The following SLC11A2 variants were observed in gnomAD, a reference collection of about 807,000 sequenced individuals.
The protein encoded by SLC11A2 is natural resistance-associated macrophage protein 2.
A neutral mutation model predicts 68.0 loss-of-function variants in SLC11A2; 38 were observed. That is an observed-to-expected ratio of 0.56 (90% CI 0.43 to 0.73). SLC11A2 has a LOEUF of 0.73. SLC11A2 is among the 30% of genes least tolerant of loss of function. The probability of loss-of-function intolerance (pLI) is 0.00; values close to 1 mark genes in which losing one functional copy is unlikely to be tolerated. For missense variants in SLC11A2, 517 were observed against 690.5 expected (o/e 0.75, Z 2.82); for synonymous variants, 242 against 250.6 (o/e 0.97, Z 0.32).
chr12:50,973,320 A>C, the SLC11A2 span, among the ~76,000 whole-genome samples: 4 of 152,188 alleles, frequency 2.6e-5, no homozygotes, highest in Admixed American at 2.0e-4. Context: ...AGGCAGCAAC[A>C]TTTGCTGTTC....
At chr12:50,988,529 T>C in intron 15 of SLC11A2, 94 bp from the exon 16 acceptor site, 2 of 1,574,970 alleles carry the variant, frequency 1.3e-6, no homozygotes, top group Non-Finnish European at 8.6e-7. Flanking sequence ...GCTCCCTTCC[T>C]TGAACATCCA....
At chr12:51,000,015 T>C (rs1454878139) in intron 6 of SLC11A2, among the ~76,000 whole-genome samples, 2 of 149,022 alleles carry the variant, frequency 1.3e-5, no homozygotes, top group Non-Finnish European at 2.9e-5. Flanking sequence ...CTCAAAAAAA[T>C]AAATAAATAA....
chr12:50,954,158 T>C, the SLC11A2 span: 2 of 935,248 alleles, frequency 2.1e-6, no homozygotes, highest in Non-Finnish European at 3.4e-6. Flanking sequence ...CCCAGTGCCT[T>C]TGCGGATTGA....
intron 12 of SLC11A2, among the ~76,000 whole-genome samples, chr12:50,992,557 G>A (rs879869279): frequency 1.9e-4 from 29 of 151,418 alleles, no homozygotes; most frequent in Non-Finnish European, 3.8e-4. Context: ...ATGGTGAAAC[G>A]CCATCTCTAC....
the SLC11A2 span, chr12:50,960,847 TA>T: frequency 1.2e-6 from 1 of 804,458 alleles, no homozygotes; most frequent in African/African-American, 1.8e-5. Flanking sequence ...CATGTGTGGC[TA>T]ATTTTTTTTT....
chr12:50,991,913 C>T (rs1941190595), intron 13 of SLC11A2, among the ~76,000 whole-genome samples: 1 of 152,132 alleles, frequency 6.6e-6, no homozygotes, highest in Non-Finnish European at 1.5e-5. Context: ...GCACAGTGTC[C>T]TATATGTTCA....
At chr12:51,026,445 G>A, upstream of SLC11A2, 1 of 923,040 alleles carries the variant, frequency 1.1e-6, no homozygotes. Flanking sequence ...ATCCCTATTG[G>A]CTGGAGTCCC....
chr12:50,990,490 ATT>A, intron 15 of SLC11A2: 1 of 280,402 alleles, frequency 3.6e-6, no homozygotes, highest in Non-Finnish European at 6.7e-6. Context: ...TAGAAATATT[ATT>A]TTGTAAACAG....
chr12:50,976,627 G>A (rs374421235), downstream of SLC11A2, among the ~76,000 whole-genome samples: 125 of 152,290 alleles, frequency 8.2e-4, 1 homozygote, highest in East Asian at 0.022. Context: ...ATTCAACACA[G>A]TGTTGGAAGT....
chr12:51,009,596 T>C (rs1943037401), intron 2 of SLC11A2, among the ~76,000 whole-genome samples: 1 of 152,128 alleles, frequency 6.6e-6, no homozygotes, highest in Admixed American at 6.5e-5. Context: ...AAGAAATTTA[T>C]AGAAAAGGAA....
intron 6 of SLC11A2, 124 bp downstream of exon 6, chr12:51,000,189 G>T: frequency 1.3e-6 from 1 of 741,732 alleles, no homozygotes; most frequent in South Asian, 1.5e-5. Context: ...TTCCAGAAAG[G>T]TTCCACAGAA....
chr12:51,002,566 G>T (rs544922016), intron 5 of SLC11A2, among the ~76,000 whole-genome samples: 2 of 134,920 alleles, frequency 1.5e-5, no homozygotes, highest in Non-Finnish European at 1.5e-5. Flanking sequence ...TTGAACCTGG[G>T]AGGTTGAGGT....
intron 1 of SLC11A2, among the ~76,000 whole-genome samples, chr12:51,016,230 A>G (rs1943639170): frequency 6.6e-6 from 1 of 152,124 alleles, no homozygotes; most frequent in Non-Finnish European, 1.5e-5. Flanking sequence ...GAGAAACCCC[A>G]TCTCTACAAA....
downstream of SLC11A2, chr12:50,981,756 G>C (rs1592284718): frequency 6.5e-7 from 1 of 1,535,922 alleles, no homozygotes; most frequent in East Asian, 2.4e-5. Context: ...CAGCGTCCAT[G>C]GTGTTCAGAA....
chr12:50,987,316 G>A lies in SLC11A2; in HGVS notation c.*1009C>T. 7.8e-7 allele frequency: 1 copy of A among 1,287,220 alleles called. No individual in the cohort carries two copies. Among genetic ancestry groups the A allele is most frequent in the Non-Finnish European group, 1.0e-6 (1 of 988,688 alleles). The allele number at this position is 1,287,220 out of a possible 1,614,324, so 79.7% of individuals were successfully genotyped here. ...CAACGGTTAAGTCCACAGCTCCTGA[G>A]ATTGCCTCGCAAGTCATCTTGGGCA... On this transcript the variant is annotated 3_prime_UTR_variant, in exon 16 of 16. Transcript: ENST00000262052.
intron 6 of SLC11A2, among the ~76,000 whole-genome samples, chr12:51,000,044 T>C (rs1942067798): frequency 6.6e-6 from 1 of 151,956 alleles, no homozygotes; most frequent in African/African-American, 2.4e-5. Context: ...AAAAAGATAG[T>C]ATCTAGCGGG....
At chr12:51,009,905 G>A (rs1943060191) in intron 2 of SLC11A2, among the ~76,000 whole-genome samples, 1 of 152,166 alleles carries the variant, frequency 6.6e-6, no homozygotes, top group Admixed American at 6.5e-5. Context: ...TTCAGGGCCG[G>A]GCACAGTGGC....
chr12:50,986,724 G>A lies in SLC11A2; in HGVS notation c.*1601C>T. On this transcript the variant is annotated 3_prime_UTR_variant, in exon 16 of 16. Coordinates refer to ENST00000262052, the MANE Select transcript of SLC11A2 (RefSeq NM_000617.3). The stretch of plus-strand genomic sequence containing the variant: ...GGCAGATATGAAGAGGAATGGTTAG[G>A]GGAATTGTCATTCATAACTCTGTGC... The A allele has an allele frequency of 7.8e-7, 1 of 1,287,086 alleles. No homozygotes were observed. Among genetic ancestry groups the A allele is most frequent in the Non-Finnish European group, 1.0e-6 (1 of 988,652 alleles). 79.7% of individuals were successfully genotyped at this position (1,287,086 alleles called of 1,614,324 possible).
chr12:50,978,386 G>T (rs989366368), downstream of SLC11A2, among the ~76,000 whole-genome samples: 6 of 150,988 alleles, frequency 4.0e-5, no homozygotes, highest in Admixed American at 2.0e-4. Flanking sequence ...GCAAACCATC[G>T]CAAGGACAAA....
Sources: allele counts gnomAD v4.1 joint callset (sites outside exome capture counted in the v4.1 genomes callset), GRCh38; gene constraint gnomAD v4.1.1; transcripts MANE v1.5; gene names NCBI Gene and HGNC (gene_info 2026-07-23, HGNC 2026-07-21).